Variants in SH3GL3 observed in about 807,000 individuals in gnomAD.
SH3GL3 encodes SH3 domain containing GRB2 like 3, endophilin A3, also known as endophilin-A3.
Under a neutral mutation model 47.7 loss-of-function variants are expected in SH3GL3, and 33 were observed. The ratio of observed to expected loss-of-function variants is 0.69; its 90% confidence interval spans 0.52 to 0.92. The LOEUF (loss-of-function observed/expected upper bound fraction) is 0.92, where lower values mean the gene tolerates loss of function less well. Ranked by LOEUF, SH3GL3 falls within the 40% of genes least tolerant of loss-of-function variation. The pLI, the probability that SH3GL3 is intolerant of heterozygous loss-of-function variation, is 0.00. For missense variants in SH3GL3, 363 were observed against 417.8 expected (o/e 0.87, Z 1.14); for synonymous variants, 155 against 148.8 (o/e 1.04, Z -0.30).
At position 83,568,608 on chromosome 15, in the gene SH3GL3, G is replaced by A. The variant is rs780585766; in HGVS notation, c.267G>A (p.Thr89=). The change falls in exon 4 of 9, where the codon ACG becomes ACA. Residue 89 remains threonine, a synonymous_variant. Transcript: ENST00000427482. The stretch of plus-strand genomic sequence containing the variant: ...TGAAGACCACAGGATACCCGCAGAC[G>A]GAAGGCTTGCTGGGGGACTGTATGC... ...GQVKTTGYPQ[T]EGLLGDCMLK... The A allele has an allele frequency of 7.4e-6, 12 of 1,613,454 alleles. No individual in the cohort carries two copies. The highest frequency in any genetic ancestry group is 5.3e-5 in the African/African-American group (4 of 75,026).
chr15:83,599,599 G>A (rs2060328062), intron 8 of SH3GL3, among the ~76,000 whole-genome samples: 1 of 152,104 alleles, frequency 6.6e-6, no homozygotes, highest in African/African-American at 2.4e-5. Context: ...CTCATTGATG[G>A]GCATTTGGGC....
intron 1 of SH3GL3, among the ~76,000 whole-genome samples, chr15:83,534,634 AC>A (rs1318793558): frequency 1.3e-5 from 2 of 152,100 alleles, no homozygotes; most frequent in Non-Finnish European, 2.9e-5. Flanking sequence ...ATAAAAATTA[AC>A]TCCAGGTCCT....
intron 1 of SH3GL3, among the ~76,000 whole-genome samples, chr15:83,494,490 A>G (rs925366790): frequency 2.0e-5 from 3 of 151,400 alleles, no homozygotes; most frequent in Non-Finnish European, 2.9e-5. Context: ...CCAGGGCCAT[A>G]TATTTCCTGT....
intron 1 of SH3GL3, among the ~76,000 whole-genome samples, chr15:83,558,802 C>A (rs1270874159): frequency 6.6e-6 from 1 of 152,190 alleles, no homozygotes; most frequent in East Asian, 1.9e-4. Context: ...GAACCTACTC[C>A]CAGTGCCGTG....
At chr15:83,471,472 G>T (rs2151532182) in intron 1 of SH3GL3, among the ~76,000 whole-genome samples, 1 of 152,320 alleles carries the variant, frequency 6.6e-6, no homozygotes, top group Non-Finnish European at 1.5e-5. Context: ...CCAAGTTTCA[G>T]CCAGTCACAG....
chr15:83,482,634 C>T (rs2041412894), intron 1 of SH3GL3, among the ~76,000 whole-genome samples: 1 of 152,008 alleles, frequency 6.6e-6, no homozygotes, highest in African/African-American at 2.4e-5. Flanking sequence ...GCTGGGATTA[C>T]AGGCGCGCAC....
chr15:83,560,729 A>G (rs2045225235), intron 2 of SH3GL3, among the ~76,000 whole-genome samples: 1 of 152,214 alleles, frequency 6.6e-6, no homozygotes, highest in South Asian at 2.1e-4. Context: ...AAAACTTTCC[A>G]GAAGAGATGC....
At chr15:83,540,093 GTGT>G (rs1437247802) in intron 1 of SH3GL3, among the ~76,000 whole-genome samples, 2 of 152,076 alleles carry the variant, frequency 1.3e-5, no homozygotes, top group African/African-American at 4.8e-5. Flanking sequence ...GTTTATGCAT[GTGT>G]TGTTTAATTT....
At chr15:83,542,183 A>G (rs1248761781) in intron 1 of SH3GL3, among the ~76,000 whole-genome samples, 3 of 152,208 alleles carry the variant, frequency 2.0e-5, no homozygotes, top group African/African-American at 2.4e-5. Context: ...ACTCTTCTGC[A>G]TATGGATACC....
intron 2 of SH3GL3, among the ~76,000 whole-genome samples, chr15:83,559,636 A>G (rs554348794): frequency 2.4e-4 from 37 of 152,344 alleles, no homozygotes; most frequent in African/African-American, 8.9e-4. Flanking sequence ...TTGGTAGTAT[A>G]TGTTTTGGAG....
chr15:83,622,542 G>A (rs531370422), downstream of SH3GL3, among the ~76,000 whole-genome samples: 11 of 152,300 alleles, frequency 7.2e-5, no homozygotes, highest in South Asian at 2.1e-3. Context: ...AATTTACATC[G>A]GATTACTGAC....
At chr15:83,547,610 G>T (rs866888309) in intron 1 of SH3GL3, among the ~76,000 whole-genome samples, 1 of 150,590 alleles carries the variant, frequency 6.6e-6, no homozygotes, top group African/African-American at 2.4e-5. Context: ...TGGTGTTCCT[G>T]CAGGGGGGAC....
intron 1 of SH3GL3, among the ~76,000 whole-genome samples, chr15:83,511,400 A>G (rs1457664766): frequency 1.3e-5 from 2 of 152,212 alleles, no homozygotes; most frequent in Admixed American, 6.5e-5. Flanking sequence ...ATGAGAAAAA[A>G]TAAGAACAAA....
intron 2 of SH3GL3, among the ~76,000 whole-genome samples, chr15:83,564,265 G>T (rs2045430002): frequency 1.3e-5 from 2 of 152,126 alleles, no homozygotes; most frequent in Non-Finnish European, 2.9e-5. Flanking sequence ...TTGAAATTAT[G>T]ATGGGATTTG....
intron 1 of SH3GL3, among the ~76,000 whole-genome samples, chr15:83,481,608 C>A (rs1412673487): frequency 6.6e-6 from 1 of 152,180 alleles, no homozygotes. Flanking sequence ...ACAATGCAAT[C>A]TTTAATCATA....
chr15:83,560,040 C>T (rs563333099), intron 2 of SH3GL3, among the ~76,000 whole-genome samples: 2 of 152,306 alleles, frequency 1.3e-5, no homozygotes, highest in Admixed American at 1.3e-4. Flanking sequence ...AGAACTAGAA[C>T]CACCAGTATT....
At chr15:83,617,680 A>G (rs1038838339) in intron 8 of SH3GL3, among the ~76,000 whole-genome samples, 1 of 152,190 alleles carries the variant, frequency 6.6e-6, no homozygotes, top group African/African-American at 2.4e-5. Flanking sequence ...TGTCTCAAAA[A>G]TAGATAAATA....
intron 1 of SH3GL3, among the ~76,000 whole-genome samples, chr15:83,505,291 T>G (rs2042451555): frequency 6.6e-6 from 1 of 152,140 alleles, no homozygotes; most frequent in Admixed American, 6.6e-5. Context: ...TCTTTAACAT[T>G]ACTAGATAAT....
At chr15:83,539,762 G>C (rs994181985) in intron 1 of SH3GL3, among the ~76,000 whole-genome samples, 3 of 152,018 alleles carry the variant, frequency 2.0e-5, no homozygotes, top group African/African-American at 7.2e-5. Context: ...AGTATTTTGG[G>C]GTCTGGTTGA....
Sources: allele counts gnomAD v4.1 joint callset (sites outside exome capture counted in the v4.1 genomes callset), GRCh38; gene constraint gnomAD v4.1.1; transcripts MANE v1.5; gene names NCBI Gene and HGNC (gene_info 2026-07-23, HGNC 2026-07-21).